The following BRCA2 variants were observed in gnomAD, a reference collection of about 807,000 sequenced individuals.
BRCA2 encodes BRCA2 DNA repair associated.
Under a neutral mutation model 276.7 loss-of-function variants are expected in BRCA2, and 203 were observed. The ratio of observed to expected loss-of-function variants is 0.73; its 90% confidence interval spans 0.65 to 0.82. BRCA2 has a LOEUF of 0.82. Among genes scored for constraint, BRCA2 ranks in the 40% least tolerant of loss-of-function variants. BRCA2 has a pLI of 0.00. For synonymous variants in BRCA2, 1,289 were observed against 1,338.4 expected (o/e 0.96, Z 0.81); for missense variants, 3,920 against 3,915.0 (o/e 1.00, Z -0.03).
intron 19 of BRCA2, 129 bp downstream of exon 19, chr13:32,370,686 C>T (rs2072825444): frequency 9.4e-7 from 1 of 1,059,208 alleles, no homozygotes; most frequent in South Asian, 1.4e-5. Flanking sequence ...TGGTTCACTG[C>T]AGCCTCCACC....
chr13:32,391,815 A>AT, intron 24 of BRCA2, among the ~76,000 whole-genome samples: 2 of 152,360 alleles, frequency 1.3e-5, no homozygotes, highest in South Asian at 4.1e-4. Context: ...TATCAGTTGT[A>AT]TGATAATTAA....
At chr13:32,347,381 C>T (rs2072619211) in intron 13 of BRCA2, among the ~76,000 whole-genome samples, 1 of 151,998 alleles carries the variant, frequency 6.6e-6, no homozygotes, top group African/African-American at 2.4e-5. Flanking sequence ...GAGATGCTTT[C>T]CCCTAAAAAA....
At chr13:32,396,237 G>GTACTGGGTT in intron 25 of BRCA2, 1 of 164,570 alleles carries the variant, frequency 6.1e-6, no homozygotes, top group South Asian at 1.5e-4. Flanking sequence ...GCCTCCCCAA[G>GTACTGGGTT]TACTGGGTTT....
Position 32,396,749 on chromosome 13 carries a change from C to T in BRCA2, c.9502-149C>T, listed in dbSNP as rs11571822. 3.1e-3 allele frequency: 2,865 copies of T among 925,552 alleles called. 17 individuals are homozygous for T. Among genetic ancestry groups the T allele is most frequent in the Non-Finnish European group, 3.7e-3 (2,214 of 598,180 alleles). The allele number at this position is 925,552 out of a possible 1,614,324, so 57.3% of individuals were successfully genotyped here. On this transcript the variant is annotated intron_variant, in intron 25 of 26. Transcript: ENST00000380152. ...TGATACTGGTTTTGTAATTTTGCAT[C>T]GGCATGTTTGACAATTGGTATCACA... is the stretch of plus-strand genomic sequence containing the variant.
At chr13:32,325,013 C>T (rs1434838875) in intron 3 of BRCA2, 63 bp from the exon 4 acceptor site, 1 of 1,216,208 alleles carries the variant, frequency 8.2e-7, no homozygotes, top group Non-Finnish European at 1.2e-6. Context: ...TAAACACTTC[C>T]AAAGAATGCA....
intron 24 of BRCA2, among the ~76,000 whole-genome samples, chr13:32,393,724 C>T (rs1354598706): frequency 6.6e-6 from 1 of 152,136 alleles, no homozygotes; most frequent in Non-Finnish European, 1.5e-5. Context: ...GGCATCAGTA[C>T]TGCCAGGCCC....
rs2137508828 is a variant in BRCA2, at chr13:32,339,019, A to G, written c.4664A>G (p.Glu1555Gly). ...GATGAAAAAGAGCAAGGTACTAGTGAAATCACCAGTTTTAGCCATCAATGG... is the reference window on the plus strand; with the variant it reads ...GATGAAAAAGAGCAAGGTACTAGTGGAATCACCAGTTTTAGCCATCAATGG... ...LFDEKEQGTS[E>G]ITSFSHQWAK... Residue 1555 changes from glutamate (E) to glycine (G), a missense_variant, in exon 11 of 27, where the codon GAA (glutamate) becomes GGA (glycine). By Grantham distance (98) the Glu-to-Gly change is moderately conservative. Around this residue, in one of 2 missense-constraint regions of BRCA2, gnomAD observed 3,263 missense variants for 3,156.9 expected, o/e 1.03. Coordinates refer to ENST00000380152, the MANE Select transcript of BRCA2 (RefSeq NM_000059.4). The G allele has an allele frequency of 6.2e-7, 1 of 1,614,018 alleles. No individual in the cohort carries two copies. Among genetic ancestry groups the G allele is most frequent in the Non-Finnish European group, 8.5e-7 (1 of 1,179,950 alleles).
chr13:32,382,433 GAATA>G, intron 24 of BRCA2, among the ~76,000 whole-genome samples: 1 of 152,172 alleles, frequency 6.6e-6, no homozygotes, highest in African/African-American at 2.4e-5. Flanking sequence ...GAGGTTGGAG[GAATA>G]CTGGAGTGAG....
intron 24 of BRCA2, among the ~76,000 whole-genome samples, chr13:32,383,276 C>T (rs1262378961): frequency 2.6e-5 from 4 of 152,088 alleles, no homozygotes; most frequent in South Asian, 2.1e-4. Context: ...AGGAGAATGG[C>T]GTGAACCTGG....
rs1404829993 is a variant in BRCA2, at chr13:32,370,568, T to C, written c.8487+11T>C. 2 of 1,604,552 alleles carry C rather than the reference T, an allele frequency of 1.2e-6. No individual in the cohort carries two copies. The highest frequency in any genetic ancestry group is 1.3e-5 in the African/African-American group (1 of 74,686). On this transcript the variant is annotated intron_variant, in intron 19 of 26. Coordinates refer to ENST00000380152, the MANE Select transcript of BRCA2 (RefSeq NM_000059.4). ...GCATACCCTATACAGGTATGATGTA[T>C]TCTTGAAACTTACCATATATTTCTT...
chr13:32,347,740 T>G (rs2072621494), intron 13 of BRCA2, among the ~76,000 whole-genome samples: 1 of 152,180 alleles, frequency 6.6e-6, no homozygotes, highest in Non-Finnish European at 1.5e-5. Flanking sequence ...GAAGATTTTT[T>G]TTTCCTAGGG....
At position 32,394,865 on chromosome 13, in the gene BRCA2, G is replaced by C. The variant is rs587776476; in HGVS notation, c.9433G>C (p.Val3145Leu). The C allele has an allele frequency of 2.0e-5, 33 of 1,613,892 alleles. No individual in the cohort carries two copies. The highest frequency in any genetic ancestry group is 2.6e-5 in the Non-Finnish European group (31 of 1,179,942). Residue 3145 changes from valine (V) to leucine (L), a missense_variant, in exon 25 of 27, where the codon GTG (valine) becomes CTG (leucine). Val to Leu is a conservative substitution (Grantham distance 32). Transcript: ENST00000380152. ...LLTLFAGDFS[V>L]FSASPKEGHF... ...TACTTTATTTGCTGGAGATTTTTCT[G>C]TGTTTTCTGCTAGTCCAAAAGAGGG...
Position 32,356,570 on chromosome 13 carries a change from A to G in BRCA2, c.7578A>G (p.Ala2526=). ...TGCCTCGAATCTCTCTGAAAGCAGC[A>G]GTAGGAGGCCAAGTTCCCTCTGCGT... ...STLPRISLKA[A]VGGQVPSACS... is the part of the protein sequence containing the mutation. Residue 2526 remains alanine (A), a synonymous_variant, in exon 15 of 27, where the codon GCA becomes GCG. Coordinates refer to ENST00000380152, the MANE Select transcript of BRCA2 (RefSeq NM_000059.4). 1 of 1,614,216 alleles carries G rather than the reference A, an allele frequency of 6.2e-7. No individual in the cohort carries two copies. The highest frequency in any genetic ancestry group is 8.5e-7 in the Non-Finnish European group (1 of 1,180,022).
chr13:32,316,584 A>C, intron 2 of BRCA2, 57 bp downstream of exon 2: 1 of 1,493,794 alleles, frequency 6.7e-7, no homozygotes, highest in Non-Finnish European at 9.2e-7. Context: ...TTTTCTAAAA[A>C]ATGCTTGCTA....
Position 32,329,504 on chromosome 13 carries a change from T to C in BRCA2, c.681+12T>C, listed in dbSNP as rs2137458618. On this transcript the variant is annotated intron_variant, in intron 8 of 26. Transcript: ENST00000380152. The stretch of plus-strand genomic sequence containing the variant: ...ATGATACTACTGCTGTAAGTAAATA[T>C]GACATTGATTAGACTGTTGAAATTG... 1 of 1,578,924 alleles carries C rather than the reference T, an allele frequency of 6.3e-7. No homozygotes were observed. Among genetic ancestry groups the C allele is most frequent in the African/African-American group, 1.3e-5 (1 of 74,340 alleles).
At chr13:32,330,813 C>T (rs2137460570) in intron 8 of BRCA2, 106 bp from the exon 9 acceptor site, 2 of 714,748 alleles carry the variant, frequency 2.8e-6, no homozygotes, top group South Asian at 3.5e-5. Flanking sequence ...AGGTTGATTG[C>T]AGATAACTGA....
chr13:32,388,335 T>C (rs915640960), intron 24 of BRCA2, among the ~76,000 whole-genome samples: 2 of 152,084 alleles, frequency 1.3e-5, no homozygotes, highest in African/African-American at 4.8e-5. Context: ...CCCAGGGTGG[T>C]CTTGAACTCC....
rs747837583 is a variant in BRCA2 at position 32,380,098 on chromosome 13, C to T, written c.9209C>T (p.Ser3070Phe). 1.1e-5 allele frequency: 17 copies of T among 1,613,976 alleles called. No homozygotes were observed. The highest frequency in any genetic ancestry group is 1.4e-5 in the Non-Finnish European group (16 of 1,179,970). ...GATCCAGACTTTCAGCCATCTTGTTCTGAGGTGGACCTAATAGGATTTGTC... is the reference window on the plus strand; with the variant it reads ...GATCCAGACTTTCAGCCATCTTGTTTTGAGGTGGACCTAATAGGATTTGTC... The part of the protein sequence containing the change: ...FLDPDFQPSC[S>F]EVDLIGFVVS... Residue 3070 changes from serine to phenylalanine, a missense_variant, in exon 24 of 27, where the codon TCT becomes TTT. Transcript: ENST00000380152.
intron 16 of BRCA2, among the ~76,000 whole-genome samples, chr13:32,361,631 T>C (rs2072738196): frequency 6.6e-6 from 1 of 152,146 alleles, no homozygotes; most frequent in Non-Finnish European, 1.5e-5. Context: ...GTTGGCCTTG[T>C]AGGCAGCAAG....
Sources: allele counts gnomAD v4.1 joint callset (sites outside exome capture counted in the v4.1 genomes callset), GRCh38; gene constraint gnomAD v4.1.1; regional missense constraint gnomAD v4.1.1; transcripts MANE v1.5; gene names NCBI Gene and HGNC (gene_info 2026-07-23, HGNC 2026-07-21).